The following SOX6 variants were observed in gnomAD, a reference collection of about 807,000 sequenced individuals.
The protein encoded by SOX6 is SRY-box transcription factor 6.
A neutral mutation model predicts 97.8 loss-of-function variants in SOX6; 11 were observed. The ratio of observed to expected loss-of-function variants is 0.11; its 90% CI spans 0.07 to 0.19. The LOEUF is 0.19. Among genes scored for constraint, SOX6 ranks in the 10% least tolerant of loss-of-function variants. The probability of loss-of-function intolerance (pLI) is 1.00; values close to 1 mark genes in which losing one functional copy is unlikely to be tolerated. For synonymous variants in SOX6, 360 were observed against 371.4 expected, an observed-to-expected ratio of 0.97 and a Z score of 0.35; for missense variants, 810 against 1,039.5, an observed-to-expected ratio of 0.78 and a Z score of 3.04.
intron 6 of SOX6, among the ~76,000 whole-genome samples, chr11:16,176,529 T>C (rs1444894325): frequency 1.3e-5 from 2 of 151,830 alleles, no homozygotes; most frequent in Non-Finnish European, 2.9e-5. Context: ...AAAAGGTTCA[T>C]ATGTAAACAC....
In SOX6 at chr11:16,103,002, C is replaced by A. The variant is rs183338156; in HGVS notation, c.899-5314G>T. ...ATCACCAAGAACCCAAAAGCAAATG[C>A]AACAAAAGCAAAGATAAATAGATGG... On this transcript the variant is annotated intron_variant, in intron 7 of 15. Coordinates refer to ENST00000683767, the MANE Select transcript of SOX6 (RefSeq NM_001367873.1). Among the ~76,000 whole-genome samples the A allele has an allele frequency of 1.3e-3, 203 of 151,926 alleles. 5 individuals carry two copies. The East Asian group carries it at 0.036, about 27-fold the overall frequency.
intron 4 of SOX6, among the ~76,000 whole-genome samples, chr11:16,489,038 T>G (rs1237447930): frequency 6.6e-6 from 1 of 152,058 alleles, no homozygotes; most frequent in Non-Finnish European, 1.5e-5. Context: ...GGATAAAAAT[T>G]ATATTCACAC....
intron 5 of SOX6, among the ~76,000 whole-genome samples, chr11:16,184,601 A>T (rs1024852728): frequency 3.9e-5 from 6 of 152,174 alleles, no homozygotes; most frequent in African/African-American, 1.4e-4. Flanking sequence ...CTATATACAA[A>T]TTTTATATTT....
intron 3 of SOX6, among the ~76,000 whole-genome samples, chr11:16,621,561 G>A (rs1054566511): frequency 7.2e-5 from 11 of 152,152 alleles, no homozygotes; most frequent in South Asian, 4.1e-4. Context: ...GTATTAGATC[G>A]TCTTAAAAGT....
At chr11:16,457,208 T>G (rs1859826439) in intron 1 of SOX6, among the ~76,000 whole-genome samples, 1 of 152,114 alleles carries the variant, frequency 6.6e-6, no homozygotes, top group Non-Finnish European at 1.5e-5. Flanking sequence ...AATCCTAATA[T>G]GTTTAAACAC....
At chr11:16,333,695 A>G (rs755611935) in intron 2 of SOX6, among the ~76,000 whole-genome samples, 112 of 152,254 alleles carry the variant, frequency 7.4e-4, no homozygotes, top group Non-Finnish European at 1.4e-3. Context: ...ACTAGACTAG[A>G]TTCACGCTAG....
intron 1 of SOX6, among the ~76,000 whole-genome samples, chr11:16,439,393 A>T (rs1859457842): frequency 6.6e-6 from 1 of 152,180 alleles, no homozygotes; most frequent in Non-Finnish European, 1.5e-5. Flanking sequence ...GTGTAATGGC[A>T]TTTATCAACT....
chr11:16,601,832 T>C (rs1848274063), intron 4 of SOX6, among the ~76,000 whole-genome samples: 2 of 152,142 alleles, frequency 1.3e-5, no homozygotes, highest in Non-Finnish European at 2.9e-5. Context: ...CATCAAATTT[T>C]ATCATTTTTT....
intron 4 of SOX6, among the ~76,000 whole-genome samples, chr11:16,496,386 CG>C: frequency 6.6e-6 from 1 of 151,396 alleles, no homozygotes; most frequent in East Asian, 1.9e-4. Context: ...CAGCTCCCAG[CG>C]TGAGAAACGC....
chr11:15,978,348 A>C (rs571580226), intron 15 of SOX6, among the ~76,000 whole-genome samples: 1 of 152,086 alleles, frequency 6.6e-6, no homozygotes, highest in African/African-American at 2.4e-5. Context: ...TCACACCATC[A>C]ATAATCTTCA....
At chr11:16,236,750 G>C (rs542039930) in intron 3 of SOX6, among the ~76,000 whole-genome samples, 1 of 151,988 alleles carries the variant, frequency 6.6e-6, no homozygotes, top group Non-Finnish European at 1.5e-5. Context: ...TCTATAAATA[G>C]ACCTGAAATC....
rs186771661 is a variant in SOX6 at position 16,164,800 on chromosome 11, A to G, written c.777+19086T>C. Among the ~76,000 whole-genome samples, 170 of 151,512 alleles carry G rather than the reference A, an allele frequency of 1.1e-3. 1 individual carries two copies. Among genetic ancestry groups the G allele is most frequent in the Non-Finnish European group, 3.2e-4 (22 of 67,830 alleles). On this transcript the variant is annotated intron_variant, in intron 6 of 15. Coordinates refer to ENST00000683767, the MANE Select transcript of SOX6 (RefSeq NM_001367873.1). Reference sequence around the variant, plus strand: ...CGCACCACTGCACTCCAGCCTGAGCAACAGAGCGAGACTTGGTATCAAAAA... The same window carrying G: ...CGCACCACTGCACTCCAGCCTGAGCGACAGAGCGAGACTTGGTATCAAAAA...
intron 1 of SOX6, among the ~76,000 whole-genome samples, chr11:16,409,672 C>A (rs772626765): frequency 4.3e-4 from 65 of 151,808 alleles, no homozygotes; most frequent in Non-Finnish European, 7.8e-4. Context: ...AGAAAATCTA[C>A]CAATAATACC....
chr11:16,676,131 C>A (rs1470874814), intron 3 of SOX6, among the ~76,000 whole-genome samples: 1 of 147,406 alleles, frequency 6.8e-6, no homozygotes, highest in South Asian at 2.2e-4. Flanking sequence ...ATAATCTCAA[C>A]TGACCTATTT....
At chr11:16,080,303 G>T (rs1240920721) in intron 9 of SOX6, among the ~76,000 whole-genome samples, 1 of 147,694 alleles carries the variant, frequency 6.8e-6, no homozygotes. Context: ...TAGAAAAAAT[G>T]AGGTCTTACA....
intron 7 of SOX6, among the ~76,000 whole-genome samples, chr11:16,108,464 C>G (rs1441716241): frequency 6.6e-6 from 1 of 152,284 alleles, no homozygotes; most frequent in South Asian, 2.1e-4. Context: ...GATGCTTTAT[C>G]TTTTAATTTT....
intron 6 of SOX6, among the ~76,000 whole-genome samples, chr11:16,124,925 C>A (rs60488672): frequency 6.6e-6 from 1 of 151,910 alleles, no homozygotes; most frequent in African/African-American, 2.4e-5. Flanking sequence ...TTAGAAAACA[C>A]CTCAGTAGAC....
At chr11:16,500,073 A>C (rs1193918678) in intron 4 of SOX6, among the ~76,000 whole-genome samples, 2 of 152,168 alleles carry the variant, frequency 1.3e-5, no homozygotes, top group African/African-American at 4.8e-5. Flanking sequence ...AAAATACTGG[A>C]AAACCAAATC....
intron 4 of SOX6, among the ~76,000 whole-genome samples, chr11:16,200,146 T>TA (rs1355390367): frequency 1.4e-4 from 22 of 152,032 alleles, no homozygotes; most frequent in Middle Eastern, 3.4e-3. Flanking sequence ...ATACTTTAGA[T>TA]AAAAAACAAG....
Sources: gnomAD v4.1 joint callset for allele counts (sites outside exome capture counted in the v4.1 genomes callset) on GRCh38, gnomAD v4.1.1 for gene constraint, MANE v1.5 for transcripts, NCBI Gene and HGNC (gene_info 2026-07-23, HGNC 2026-07-21) for gene names.